MRPS28: variants seen among roughly 807,000 people sequenced by gnomAD.
MRPS28 encodes small ribosomal subunit protein bS1m.
A neutral mutation model predicts 10.8 loss-of-function variants in MRPS28; 7 were observed. The observed-to-expected ratio is 0.65, with a 90% CI of 0.37 to 1.22. The LOEUF is 1.22. Ranked by LOEUF, MRPS28 falls within the 50% of genes most tolerant of loss-of-function variation. MRPS28 has a pLI of 0.02. For synonymous variants in MRPS28, 121 were observed against 93.3 expected (o/e 1.30, Z -1.71); for missense variants, 265 against 232.9 (o/e 1.14, Z -0.90).
intron 2 of MRPS28, among the ~76,000 whole-genome samples, chr8:79,945,450 GC>G (rs1455925495): frequency 1.3e-5 from 2 of 152,094 alleles, no homozygotes; most frequent in Non-Finnish European, 2.9e-5. Context: ...GGGAAAACTG[GC>G]TTTACATCCA....
intron 1 of MRPS28, among the ~76,000 whole-genome samples, chr8:80,025,248 AAAG>A (rs1173327270): frequency 5.9e-5 from 9 of 152,354 alleles, no homozygotes; most frequent in African/African-American, 1.9e-4. Context: ...ATCAGGAATG[AAAG>A]ATGATAACCC....
At chr8:79,988,094 A>T (rs1212682291) in intron 2 of MRPS28, among the ~76,000 whole-genome samples, 1 of 152,160 alleles carries the variant, frequency 6.6e-6, no homozygotes, top group Admixed American at 6.5e-5. Context: ...ATGCAGCCAT[A>T]AAAAATGATG....
intron 1 of MRPS28, among the ~76,000 whole-genome samples, chr8:80,021,770 C>T (rs973508594): frequency 6.6e-6 from 1 of 152,010 alleles, no homozygotes; most frequent in Admixed American, 6.6e-5. Context: ...TGAAATGCTC[C>T]CTTTAAAAAA....
chr8:79,930,672 G>A (rs1806439524), intron 2 of MRPS28, among the ~76,000 whole-genome samples: 1 of 152,130 alleles, frequency 6.6e-6, no homozygotes, highest in South Asian at 2.1e-4. Flanking sequence ...TAATCTCTGG[G>A]TCATTCCTGT....
At chr8:79,954,298 T>C (rs1807150297) in intron 2 of MRPS28, among the ~76,000 whole-genome samples, 1 of 152,116 alleles carries the variant, frequency 6.6e-6, no homozygotes, top group Non-Finnish European at 1.5e-5. Flanking sequence ...CTTCTAAACA[T>C]ACGCATATCC....
chr8:79,985,261 G>C (rs1187346954), intron 2 of MRPS28, among the ~76,000 whole-genome samples: 1 of 152,190 alleles, frequency 6.6e-6, no homozygotes, highest in Non-Finnish European at 1.5e-5. Flanking sequence ...GAATCTCTGG[G>C]ACACAGTCAA....
At chr8:80,018,459 G>C (rs992799326) in intron 1 of MRPS28, among the ~76,000 whole-genome samples, 2 of 152,042 alleles carry the variant, frequency 1.3e-5, no homozygotes, top group Non-Finnish European at 2.9e-5. Context: ...AGTTAAAATG[G>C]CTTTTATCCA....
chr8:79,941,053 A>G (rs1472743060), intron 2 of MRPS28, among the ~76,000 whole-genome samples: 1 of 152,204 alleles, frequency 6.6e-6, no homozygotes, highest in East Asian at 1.9e-4. Context: ...TGGGAGCCCC[A>G]GGCAGAAGGA....
intron 2 of MRPS28, among the ~76,000 whole-genome samples, chr8:79,990,735 A>G (rs1410764600): frequency 2.0e-5 from 3 of 151,884 alleles, no homozygotes; most frequent in Admixed American, 2.0e-4. Flanking sequence ...CATGTCTGTA[A>G]TCCTAGCACT....
intron 2 of MRPS28, among the ~76,000 whole-genome samples, chr8:79,923,268 G>A (rs1366552986): frequency 1.3e-5 from 2 of 152,082 alleles, no homozygotes; most frequent in African/African-American, 2.4e-5. Context: ...GCCACACAGT[G>A]GTGTAAGAGG....
At chr8:79,990,445 C>T (rs1442980572) in intron 2 of MRPS28, among the ~76,000 whole-genome samples, 2 of 152,128 alleles carry the variant, frequency 1.3e-5, no homozygotes, top group Non-Finnish European at 2.9e-5. Flanking sequence ...CTCCATCTCA[C>T]ACATCACTAC....
intron 2 of MRPS28, among the ~76,000 whole-genome samples, chr8:79,997,782 A>C (rs1808541179): frequency 6.6e-6 from 1 of 152,142 alleles, no homozygotes; most frequent in African/African-American, 2.4e-5. Context: ...TAGGCCGGGC[A>C]TGGTGGCTTA....
chr8:79,975,651 T>C (rs1336898164), intron 2 of MRPS28, among the ~76,000 whole-genome samples: 2 of 152,100 alleles, frequency 1.3e-5, no homozygotes, highest in South Asian at 2.1e-4. Flanking sequence ...ACATTGCTAG[T>C]CATCAAAAGT....
intron 2 of MRPS28, among the ~76,000 whole-genome samples, chr8:79,955,598 ACTACCT>A (rs1365031600): frequency 2.0e-5 from 3 of 151,890 alleles, no homozygotes; most frequent in African/African-American, 7.3e-5. Context: ...GCTTCCATCC[ACTACCT>A]GGATGGAAGC....
rs142282340 is a variant in MRPS28 at position 79,991,517 on chromosome 8, T to A, written c.395+11482A>T. Among the ~76,000 whole-genome samples the A allele has an allele frequency of 5.5e-3, 831 of 152,188 alleles. 20 individuals are homozygous for A. Among genetic ancestry groups the A allele is most frequent in the Admixed American group, 0.039 (592 of 15,292 alleles). The stretch of plus-strand genomic sequence containing the variant: ...GAATTTTAGATACCTAGAATCACAG[T>A]TGGAAAGAAAAAAATAAAGGTTACC... On this transcript the variant is annotated intron_variant, in intron 2 of 2. Coordinates refer to ENST00000276585, the MANE Select transcript of MRPS28 (RefSeq NM_014018.3).
chr8:79,950,623 AC>A (rs1349027350), intron 2 of MRPS28, among the ~76,000 whole-genome samples: 1 of 152,178 alleles, frequency 6.6e-6, no homozygotes, highest in African/African-American at 2.4e-5. Flanking sequence ...AAATAATTCC[AC>A]AACATTCTAA....
At chr8:80,025,204 C>G (rs899219639) in intron 1 of MRPS28, among the ~76,000 whole-genome samples, 2 of 152,128 alleles carry the variant, frequency 1.3e-5, no homozygotes, top group Non-Finnish European at 2.9e-5. Context: ...CAAAAACTGT[C>G]AACATGCAGT....
At chr8:79,983,769 C>T (rs897157804) in intron 2 of MRPS28, among the ~76,000 whole-genome samples, 1 of 152,122 alleles carries the variant, frequency 6.6e-6, no homozygotes, top group African/African-American at 2.4e-5. Context: ...AAATATGGGA[C>T]TATGTGAAAA....
In MRPS28 at chr8:79,931,943, C is replaced by T. The variant is rs567737416; in HGVS notation, c.396-12795G>A. 7.2e-4 allele frequency among the ~76,000 whole-genome samples: 110 copies of T among 152,256 alleles called. 1 individual carries two copies. Among genetic ancestry groups the T allele is most frequent in the Non-Finnish European group, 1.3e-3 (86 of 68,034 alleles). On this transcript the variant is annotated intron_variant, in intron 2 of 2. Coordinates refer to ENST00000276585, the MANE Select transcript of MRPS28 (RefSeq NM_014018.3). Reference sequence around the variant, plus strand: ...CTTTTGAAAAAGTGTGTCTCTAGGCCGTAGAGGGCCTTTCTGTTGACAGCA... The same window carrying T: ...CTTTTGAAAAAGTGTGTCTCTAGGCTGTAGAGGGCCTTTCTGTTGACAGCA...
Sources: gnomAD v4.1 joint callset for allele counts (sites outside exome capture counted in the v4.1 genomes callset) on GRCh38, gnomAD v4.1.1 for gene constraint, MANE v1.5 for transcripts, NCBI Gene and HGNC (gene_info 2026-07-23, HGNC 2026-07-21) for gene names.